CACNA2D1: variants seen among roughly 807,000 people sequenced by gnomAD.
CACNA2D1 encodes the protein calcium voltage-gated channel auxiliary subunit alpha2delta 1, also known as voltage-dependent calcium channel subunit alpha-2/delta-1.
CACNA2D1 carries 53 observed loss-of-function variants against 171.5 expected under a neutral mutation model. The observed-to-expected ratio is 0.31, with a 90% CI of 0.25 to 0.39. The LOEUF (loss-of-function observed/expected upper bound fraction) is 0.39. Ranked by LOEUF, CACNA2D1 falls within the 10% of genes least tolerant of loss-of-function variation. The pLI, the probability that CACNA2D1 is intolerant of heterozygous loss-of-function variation, is 1.00. For missense variants in CACNA2D1, 903 were observed against 1,299.8 expected (o/e 0.69, Z 4.69); for synonymous variants, 442 against 443.1 (o/e 1.00, Z 0.03).
At position 82,122,491 on chromosome 7, in the gene CACNA2D1, C is replaced by T. The variant is rs370877839; in HGVS notation, c.397-5318G>A. On this transcript the variant is annotated intron_variant, in intron 5 of 38. Coordinates refer to ENST00000356860, the MANE Select transcript of CACNA2D1 (RefSeq NM_000722.4). ...TCACAAGACCTAGCAGGGAGTAAGG[C>T]GAGCCATTAGCAATACAATACAGTT... Among the ~76,000 whole-genome samples, 522 of 152,128 alleles carry T rather than the reference C, an allele frequency of 3.4e-3. 6 individuals are homozygous for T. The highest frequency in any genetic ancestry group is 0.028 in the South Asian group (137 of 4,814).
intron 1 of CACNA2D1, among the ~76,000 whole-genome samples, chr7:82,361,293 T>C (rs1299747796): frequency 6.6e-6 from 1 of 152,222 alleles, no homozygotes; most frequent in Non-Finnish European, 1.5e-5. Flanking sequence ...AAACTGTTTT[T>C]CACCATTAAT....
chr7:82,143,645 G>A (rs1792653785), intron 4 of CACNA2D1, among the ~76,000 whole-genome samples: 1 of 152,188 alleles, frequency 6.6e-6, no homozygotes, highest in South Asian at 2.1e-4. Context: ...AGTGGAAGGG[G>A]CTTATACGCA....
intron 1 of CACNA2D1, among the ~76,000 whole-genome samples, chr7:82,389,252 C>G (rs1300418586): frequency 6.8e-6 from 1 of 146,412 alleles, no homozygotes; most frequent in Non-Finnish European, 1.5e-5. Flanking sequence ...TTTTTTAGTC[C>G]CTTTTGTTTC....
intron 1 of CACNA2D1, among the ~76,000 whole-genome samples, chr7:82,401,206 G>GTA (rs914821816): frequency 3.9e-5 from 6 of 152,166 alleles, no homozygotes; most frequent in African/African-American, 1.4e-4. Context: ...CCATTACTGG[G>GTA]TATATACCCA....
intron 3 of CACNA2D1, among the ~76,000 whole-genome samples, chr7:82,267,302 A>T (rs150732872): frequency 6.6e-6 from 1 of 152,170 alleles, no homozygotes; most frequent in African/African-American, 2.4e-5. Flanking sequence ...CTTTACTTAC[A>T]TTTTGCCCAT....
At chr7:82,335,606 C>T (rs1042745254) in intron 2 of CACNA2D1, among the ~76,000 whole-genome samples, 81 of 151,848 alleles carry the variant, frequency 5.3e-4, no homozygotes, top group Non-Finnish European at 4.9e-4. Flanking sequence ...CAACAGAAGG[C>T]GAAATGGAGC....
chr7:82,217,411 A>ATATATATATATATATATATATATATG (rs1801260824), intron 3 of CACNA2D1, among the ~76,000 whole-genome samples: 1 of 77,192 alleles, frequency 1.3e-5, no homozygotes, highest in Non-Finnish European at 3.2e-5. Context: ...ATATATATAT[A>ATATATATATATATATATATATATATG]TATATATATA....
intron 28 of CACNA2D1, among the ~76,000 whole-genome samples, chr7:81,969,183 C>A (rs529937881): frequency 6.6e-6 from 1 of 151,214 alleles, no homozygotes; most frequent in African/African-American, 2.4e-5. Flanking sequence ...TTAATTGATT[C>A]GGGGACATTA....
intron 10 of CACNA2D1, among the ~76,000 whole-genome samples, chr7:82,045,046 T>A (rs1182310114): frequency 6.6e-6 from 1 of 152,148 alleles, no homozygotes; most frequent in East Asian, 1.9e-4. Flanking sequence ...TACTGTGACT[T>A]AGCTGCATTT....
chr7:82,245,129 C>T (rs2129302370), intron 3 of CACNA2D1, among the ~76,000 whole-genome samples: 1 of 152,280 alleles, frequency 6.6e-6, no homozygotes, highest in East Asian at 1.9e-4. Context: ...CATAAAGCTT[C>T]CTCCACCATA....
chr7:82,100,765 G>C (rs1344232638), intron 6 of CACNA2D1, among the ~76,000 whole-genome samples: 4 of 151,680 alleles, frequency 2.6e-5, no homozygotes, highest in African/African-American at 9.7e-5. Context: ...TTTCAATTTT[G>C]AGAATGTTAC....
At chr7:82,329,711 T>C (rs1311574277) in intron 3 of CACNA2D1, among the ~76,000 whole-genome samples, 1 of 152,178 alleles carries the variant, frequency 6.6e-6, no homozygotes, top group Non-Finnish European at 1.5e-5. Flanking sequence ...AATAATCCAA[T>C]GATATTAGTT....
intron 11 of CACNA2D1, among the ~76,000 whole-genome samples, chr7:82,035,780 A>G (rs1195119071): frequency 7.9e-5 from 12 of 152,220 alleles, no homozygotes; most frequent in Admixed American, 7.9e-4. Context: ...TGACTTAAGC[A>G]AAAAATAATT....
Position 81,964,211 on chromosome 7 carries a change from T to A in CACNA2D1, c.2723A>T (p.Tyr908Phe). The change falls in exon 33 of 39, where the codon TAT (tyrosine) becomes TTT (phenylalanine). Residue 908 changes from tyrosine (Y) to phenylalanine (F), a missense_variant. By Grantham distance (22) the Tyr-to-Phe change is conservative. Coordinates refer to ENST00000356860, the MANE Select transcript of CACNA2D1 (RefSeq NM_000722.4). ...PKQGAGHRSAYVPSVADILQI... is the reference protein window; with the variant it reads ...PKQGAGHRSAFVPSVADILQI... ...TAGACCGTGGATATTACTGACCACATATGCTGAGCGATGTCCTGCTCCTTG... is the reference window on the plus strand; with the variant it reads ...TAGACCGTGGATATTACTGACCACAAATGCTGAGCGATGTCCTGCTCCTTG... 1.9e-6 allele frequency: 3 copies of A among 1,612,828 alleles called. No homozygotes were observed. Among genetic ancestry groups the A allele is most frequent in the Non-Finnish European group, 2.5e-6 (3 of 1,179,166 alleles).
chr7:82,076,360 G>C (rs1443331610), intron 7 of CACNA2D1, among the ~76,000 whole-genome samples: 3 of 152,126 alleles, frequency 2.0e-5, no homozygotes, highest in African/African-American at 7.2e-5. Flanking sequence ...GTACCCTCTT[G>C]TCAACACCTC....
chr7:82,286,264 AGTCT>A (rs1477177206), intron 3 of CACNA2D1, among the ~76,000 whole-genome samples: 10 of 152,072 alleles, frequency 6.6e-5, no homozygotes, highest in African/African-American at 2.4e-4. Flanking sequence ...TTCTCTGGGA[AGTCT>A]GTTTTTCCTG....
At chr7:82,371,282 A>G (rs556109669) in intron 1 of CACNA2D1, among the ~76,000 whole-genome samples, 1 of 152,300 alleles carries the variant, frequency 6.6e-6, no homozygotes, top group Admixed American at 6.5e-5. Context: ...TGATGGGTAA[A>G]GTTCATGCGC....
At chr7:81,969,093 A>G (rs753714971) in intron 28 of CACNA2D1, 120 bp from the exon 29 acceptor site, 22 of 662,016 alleles carry the variant, frequency 3.3e-5, no homozygotes, top group Non-Finnish European at 5.1e-5. Context: ...TCTACAAACT[A>G]TAAAATGTTT....
intron 4 of CACNA2D1, among the ~76,000 whole-genome samples, chr7:82,146,311 CGTGTGT>C (rs113820868): frequency 7.4e-6 from 1 of 134,640 alleles, no homozygotes; most frequent in African/African-American, 2.6e-5. Context: ...TATATATATA[CGTGTGT>C]GTGTGTGTGC....
Sources: gnomAD v4.1 joint callset for allele counts (sites outside exome capture counted in the v4.1 genomes callset) on GRCh38, gnomAD v4.1.1 for gene constraint, MANE v1.5 for transcripts, NCBI Gene and HGNC (gene_info 2026-07-23, HGNC 2026-07-21) for gene names.